The following HLCS variants were observed in gnomAD, a reference collection of about 807,000 sequenced individuals.
HLCS encodes the protein biotin--protein ligase.
A neutral mutation model predicts 75.0 loss-of-function variants in HLCS; 53 were observed. That is an observed-to-expected ratio of 0.71 (90% CI 0.57 to 0.89). The LOEUF is 0.89. HLCS is among the 40% of genes least tolerant of loss of function. The pLI, the probability that HLCS is intolerant of heterozygous loss-of-function variation, is 0.00. For synonymous variants in HLCS, 431 were observed against 428.6 expected (o/e 1.01, Z -0.07); for missense variants, 966 against 1,074.0 (o/e 0.90, Z 1.41).
chr21:36,813,207 A>ATTG (rs2061562293), intron 6 of HLCS, among the ~76,000 whole-genome samples: 2 of 152,228 alleles, frequency 1.3e-5, no homozygotes, highest in Admixed American at 1.3e-4. Context: ...TTTAATCAGC[A>ATTG]TTCCTCTGAA....
At chr21:36,857,239 C>G (rs567745862) in intron 6 of HLCS, among the ~76,000 whole-genome samples, 1 of 152,314 alleles carries the variant, frequency 6.6e-6, no homozygotes, top group South Asian at 2.1e-4. Flanking sequence ...ATTCCAGTTC[C>G]AGGTCAGTTG....
At chr21:36,935,596 C>T (rs2066844113) in intron 4 of HLCS, among the ~76,000 whole-genome samples, 1 of 152,194 alleles carries the variant, frequency 6.6e-6, no homozygotes, top group African/African-American at 2.4e-5. Flanking sequence ...AAAATATCTA[C>T]ATCTGCGTAG....
At chr21:36,834,531 A>G (rs1219584721) in intron 6 of HLCS, among the ~76,000 whole-genome samples, 1 of 152,120 alleles carries the variant, frequency 6.6e-6, no homozygotes, top group African/African-American at 2.4e-5. Flanking sequence ...CCACAGATTG[A>G]GGCTGTGTAT....
intron 5 of HLCS, among the ~76,000 whole-genome samples, chr21:36,910,200 T>G (rs978375264): frequency 3.3e-5 from 5 of 152,236 alleles, no homozygotes; most frequent in African/African-American, 1.2e-4. Flanking sequence ...GCTTGGTGTC[T>G]TCACTCACAG....
At chr21:36,956,889 TA>T (rs1418008151) in intron 2 of HLCS, among the ~76,000 whole-genome samples, 1 of 151,284 alleles carries the variant, frequency 6.6e-6, no homozygotes, top group Non-Finnish European at 1.5e-5. Flanking sequence ...CCGTCTCTAC[TA>T]AAAATACAAA....
At chr21:36,954,746 AAAAAC>A (rs563943744) in intron 2 of HLCS, among the ~76,000 whole-genome samples, 5 of 151,714 alleles carry the variant, frequency 3.3e-5, no homozygotes, top group African/African-American at 7.2e-5. Context: ...TACTTATTAA[AAAAAC>A]AAAACAAAAC....
chr21:36,987,514 G>A (rs1029485546), intron 1 of HLCS, among the ~76,000 whole-genome samples: 1 of 152,136 alleles, frequency 6.6e-6, no homozygotes, highest in Admixed American at 6.5e-5. Context: ...TCAGGAGGCT[G>A]AGGCAGAAGA....
At chr21:36,975,416 T>C (rs529907312) in intron 1 of HLCS, among the ~76,000 whole-genome samples, 1 of 152,110 alleles carries the variant, frequency 6.6e-6, no homozygotes, top group South Asian at 2.1e-4. Flanking sequence ...CCGGTGCCCG[T>C]CCCCTGTTTC....
At chr21:36,985,224 T>C (rs1311965488) in intron 1 of HLCS, among the ~76,000 whole-genome samples, 5 of 152,268 alleles carry the variant, frequency 3.3e-5, no homozygotes, top group Non-Finnish European at 5.9e-5. Context: ...ACATTCTTGC[T>C]AGCAGTATTA....
intron 5 of HLCS, among the ~76,000 whole-genome samples, chr21:36,912,989 A>C (rs2065784824): frequency 6.6e-6 from 1 of 152,188 alleles, no homozygotes; most frequent in Admixed American, 6.5e-5. Flanking sequence ...TTAGGCACCC[A>C]CTTAGCTACA....
chr21:36,888,231 G>A (rs537869133), intron 6 of HLCS, among the ~76,000 whole-genome samples: 10 of 151,772 alleles, frequency 6.6e-5, no homozygotes, highest in African/African-American at 1.9e-4. Context: ...CTCGACTTCA[G>A]GGGAGGAGGG....
chr21:36,928,627 C>T (rs2066505893), intron 5 of HLCS, among the ~76,000 whole-genome samples: 1 of 152,116 alleles, frequency 6.6e-6, no homozygotes, highest in South Asian at 2.1e-4. Context: ...CGTACTCATT[C>T]CATTCCTTGG....
chr21:36,906,994 C>T (rs149768846), intron 5 of HLCS, among the ~76,000 whole-genome samples: 2 of 152,210 alleles, frequency 1.3e-5, no homozygotes, highest in East Asian at 3.9e-4. Context: ...ACTGCAGCCT[C>T]AAATTCCTGA....
chr21:36,947,853 G>C (rs2067477910), intron 2 of HLCS: 4 of 985,328 alleles, frequency 4.1e-6, no homozygotes, highest in Non-Finnish European at 3.6e-6. Flanking sequence ...CAACCCACTG[G>C]TACCCAGAGT....
At chr21:36,848,603 A>C (rs1055366488) in intron 6 of HLCS, among the ~76,000 whole-genome samples, 7 of 152,138 alleles carry the variant, frequency 4.6e-5, no homozygotes, top group Non-Finnish European at 1.0e-4. Context: ...GAAAATATTA[A>C]ACTTTTATGA....
intron 2 of HLCS, among the ~76,000 whole-genome samples, chr21:36,957,688 C>T (rs1197047683): frequency 1.3e-5 from 2 of 152,298 alleles, no homozygotes; most frequent in African/African-American, 4.8e-5. Context: ...GTAATCCCAG[C>T]ATTTTGGGAG....
intron 1 of HLCS, among the ~76,000 whole-genome samples, chr21:36,985,483 A>T (rs982948711): frequency 6.8e-6 from 1 of 146,134 alleles, no homozygotes; most frequent in African/African-American, 2.6e-5. Context: ...AAATACAAAA[A>T]TTCGCTGGGC....
At position 36,751,641 on chromosome 21, in the gene HLCS, C is replaced by G. The variant is rs1483141377; in HGVS notation, c.*2605G>C. 4 of 152,298 alleles carry G rather than the reference C, an allele frequency of 2.6e-5. No homozygotes were observed. Among genetic ancestry groups the G allele is most frequent in the Non-Finnish European group, 5.9e-5 (4 of 68,086 alleles). 9.4% of individuals were successfully genotyped at this position (152,298 alleles called of 1,614,324 possible). A position where few individuals can be genotyped will look rare whatever the true frequency, so the allele number is the denominator to read the frequency against. ...CTCAACCACGATTTTCCTTTGCACACAAATCCTTCCTACTTCCACCACTCC... is the reference window on the plus strand; with the variant it reads ...CTCAACCACGATTTTCCTTTGCACAGAAATCCTTCCTACTTCCACCACTCC... On this transcript the variant is annotated 3_prime_UTR_variant, in exon 11 of 11. Coordinates refer to ENST00000674895, the MANE Select transcript of HLCS (RefSeq NM_001352514.2).
chr21:36,965,513 G>C (rs1334627701), intron 1 of HLCS, among the ~76,000 whole-genome samples: 1 of 152,032 alleles, frequency 6.6e-6, no homozygotes, highest in East Asian at 1.9e-4. Flanking sequence ...TGACAGAGTG[G>C]GCTGAACACG....
Sources: gnomAD v4.1 joint callset for allele counts (sites outside exome capture counted in the v4.1 genomes callset) on GRCh38, gnomAD v4.1.1 for gene constraint, MANE v1.5 for transcripts, NCBI Gene and HGNC (gene_info 2026-07-23, HGNC 2026-07-21) for gene names.